Variants in PRKCZ observed in about 807,000 individuals in gnomAD.
PRKCZ encodes protein kinase C zeta, also known as protein kinase C zeta type.
PRKCZ carries 33 observed loss-of-function variants against 79.5 expected under a neutral mutation model. The ratio of observed to expected loss-of-function variants is 0.41; its 90% CI spans 0.31 to 0.55. PRKCZ has a LOEUF of 0.55. Ranked by LOEUF, PRKCZ falls within the 20% of genes least tolerant of loss-of-function variation. The pLI is 0.19. For synonymous variants in PRKCZ, 342 were observed against 320.9 expected (o/e 1.07, Z -0.70); for missense variants, 578 against 813.5 (o/e 0.71, Z 3.52).
chr1:2,112,771 C>T lies in PRKCZ; in HGVS notation c.335-22491C>T, dbSNP rs549611901. 2.0e-5 allele frequency among the ~76,000 whole-genome samples: 3 copies of T among 151,666 alleles called. No homozygotes were observed. The East Asian group carries it at 5.9e-4, about 30-fold the overall frequency. On this transcript the variant is annotated intron_variant, in intron 4 of 17. Transcript: ENST00000378567. Reference sequence around the variant, plus strand: ...GTGGCGTGATCTCGGCTCACTGTAACCTCCACCTCCTGGGTTCAAGGGATT... The same window carrying T: ...GTGGCGTGATCTCGGCTCACTGTAATCTCCACCTCCTGGGTTCAAGGGATT...
chr1:2,104,535 G>A (rs752899912), intron 4 of PRKCZ, among the ~76,000 whole-genome samples: 2 of 152,110 alleles, frequency 1.3e-5, no homozygotes, highest in Non-Finnish European at 2.9e-5. Context: ...GGCATCCAGT[G>A]GCGCGAATGG....
intron 4 of PRKCZ, among the ~76,000 whole-genome samples, chr1:2,087,401 A>G (rs1664709541): frequency 6.6e-6 from 1 of 151,812 alleles, no homozygotes; most frequent in Non-Finnish European, 1.5e-5. Flanking sequence ...TGTTTATTTT[A>G]CTTACCTTTG....
chr1:2,150,891 C>T lies in PRKCZ; in HGVS notation c.789C>T (p.Tyr263=), dbSNP rs144454259. 1.4e-4 allele frequency: 218 copies of T among 1,614,168 alleles called. No homozygotes were observed. The highest frequency in any genetic ancestry group is 1.9e-4 in the African/African-American group (14 of 75,070). The part of the protein sequence containing the change: ...DLIRVIGRGS[Y]AKVLLVRLKK... ...TCAGAGTCATCGGGCGCGGGAGCTA[C>T]GCCAAGGTTCTCCTGGTGCGGTTGA... is the stretch of plus-strand genomic sequence containing the variant. Residue 263 remains tyrosine (Y), a synonymous_variant, in exon 9 of 18, where the codon TAC becomes TAT. Coordinates refer to ENST00000378567, the MANE Select transcript of PRKCZ (RefSeq NM_002744.6).
intron 7 of PRKCZ, 87 bp downstream of exon 7, chr1:2,146,195 A>C: frequency 8.4e-6 from 11 of 1,312,136 alleles, no homozygotes; most frequent in Non-Finnish European, 1.2e-5. Context: ...GTCCTTTCTC[A>C]GTCCCATCTG....
chr1:2,172,373 C>A lies in PRKCZ; in HGVS notation c.1270C>A (p.Arg424=), dbSNP rs1684603019. ...GAATTACATCGCCCCCGAAATCCTG[C>A]GGGGAGAGGAGTACGGTGAGTGCCG... The part of the protein sequence containing the change: ...TPNYIAPEIL[R]GEEYGFSVDW... The change falls in exon 13 of 18, where the codon CGG becomes AGG. Residue 424 remains arginine, a synonymous_variant. Coordinates refer to ENST00000378567, the MANE Select transcript of PRKCZ (RefSeq NM_002744.6). This position sits in a 1 kb window ranked among gnomAD's most constrained non-coding sequence, Gnocchi z 7.8. 1 of 1,612,888 alleles carries A rather than the reference C, an allele frequency of 6.2e-7. No homozygotes were observed. The highest frequency in any genetic ancestry group is 1.3e-5 in the African/African-American group (1 of 74,904).
intron 4 of PRKCZ, among the ~76,000 whole-genome samples, chr1:2,101,570 G>GCGTT: frequency 6.6e-6 from 1 of 152,342 alleles, no homozygotes; most frequent in South Asian, 2.1e-4. Context: ...CAGCCAGTCT[G>GCGTT]CGTTCGGCCT....
At chr1:2,084,762 C>G (rs1025859507) in intron 4 of PRKCZ, among the ~76,000 whole-genome samples, 2 of 152,142 alleles carry the variant, frequency 1.3e-5, no homozygotes, top group African/African-American at 4.8e-5. Context: ...CCCAGCACTT[C>G]GGGAGGCCTA....
intron 4 of PRKCZ, among the ~76,000 whole-genome samples, chr1:2,061,653 A>T: frequency 6.6e-6 from 1 of 152,136 alleles, no homozygotes; most frequent in Middle Eastern, 3.4e-3. Context: ...AGGAGGTCAG[A>T]GGCGGGTGCT....
At chr1:2,124,206 C>T (rs75968080) in intron 4 of PRKCZ, among the ~76,000 whole-genome samples, 3 of 5,810 alleles carry the variant, frequency 5.2e-4, no homozygotes, top group African/African-American at 4.3e-3. Flanking sequence ...GTTAGGGTCA[C>T]GGCTGTAGTT....
chr1:2,140,629 C>T (rs1317204754), intron 5 of PRKCZ, among the ~76,000 whole-genome samples: 1 of 151,324 alleles, frequency 6.6e-6, no homozygotes, highest in African/African-American at 2.4e-5. Context: ...TGTACTCCAG[C>T]TTGGGTGACA....
Position 2,172,534 on chromosome 1 carries a change from G to T in PRKCZ, c.1285+146G>T, listed in dbSNP as rs1684632007. 2.1e-6 allele frequency: 2 copies of T among 972,780 alleles called. No homozygotes were observed. The highest frequency in any genetic ancestry group is 2.9e-5 in the Admixed American group (1 of 34,434). The allele number at this position is 972,780 out of a possible 1,614,324, so 60.3% of individuals were successfully genotyped here. On this transcript the variant is annotated intron_variant, in intron 13 of 17. Coordinates refer to ENST00000378567, the MANE Select transcript of PRKCZ (RefSeq NM_002744.6). This position sits in a 1 kb window ranked among gnomAD's most constrained non-coding sequence, Gnocchi z 7.8. Reference sequence around the variant, plus strand: ...TTTCCCAGCCGGATGTCATCATCTGGCCTCAGCCCCTTATTTGAATTCTGG... The same window carrying T: ...TTTCCCAGCCGGATGTCATCATCTGTCCTCAGCCCCTTATTTGAATTCTGG...
chr1:2,166,501 C>CA (rs1404560153), intron 10 of PRKCZ, among the ~76,000 whole-genome samples: 1 of 152,200 alleles, frequency 6.6e-6, no homozygotes, highest in Non-Finnish European at 1.5e-5. Flanking sequence ...TCTCCCCTTG[C>CA]AAACATGAGA....
At chr1:2,103,313 C>T (rs1338043448) in intron 4 of PRKCZ, among the ~76,000 whole-genome samples, 2 of 152,180 alleles carry the variant, frequency 1.3e-5, no homozygotes, top group Non-Finnish European at 2.9e-5. Context: ...AAGGCTTCCC[C>T]GGGAGAGCGG....
chr1:2,107,514 C>T (rs1668795009), intron 4 of PRKCZ, among the ~76,000 whole-genome samples: 1 of 152,218 alleles, frequency 6.6e-6, no homozygotes, highest in Non-Finnish European at 1.5e-5. Context: ...GTGCAGATAC[C>T]TCCCATTTTA....
Position 2,056,510 on chromosome 1 carries a change from A to T in PRKCZ, c.220A>T (p.Met74Leu). ...EGDPCTVSSQ[M>L]ELEEAFRLAR... ...TGACCCTTGCACGGTGTCCTCCCAGATGGAGCTGGAAGAGGCTTTCCGCCT... is the reference window on the plus strand; with the variant it reads ...TGACCCTTGCACGGTGTCCTCCCAGTTGGAGCTGGAAGAGGCTTTCCGCCT... Residue 74 changes from methionine (M) to leucine (L), a missense_variant, in exon 3 of 18, where the codon ATG becomes TTG. Physicochemically the swap from Met to Leu is conservative, Grantham distance 15. Around this residue, in one of 4 missense-constraint regions of PRKCZ, gnomAD observed 228 missense variants for 211.6 expected, o/e 1.08. Coordinates refer to ENST00000378567, the MANE Select transcript of PRKCZ (RefSeq NM_002744.6). 1.2e-6 allele frequency: 2 copies of T among 1,613,914 alleles called. No homozygotes were observed. Among genetic ancestry groups the T allele is most frequent in the Non-Finnish European group, 1.7e-6 (2 of 1,179,938 alleles).
Position 2,133,366 on chromosome 1 carries a change from C to T in PRKCZ, c.335-1896C>T, listed in dbSNP as rs186160615. On this transcript the variant is annotated intron_variant, in intron 4 of 17. Coordinates refer to ENST00000378567, the MANE Select transcript of PRKCZ (RefSeq NM_002744.6). Reference sequence around the variant, plus strand: ...TTGCTCGTCGGTTCCCTCGGCTCCGCCCCCTCGGCTGTGCGTCTGGCCCTC... The same window carrying T: ...TTGCTCGTCGGTTCCCTCGGCTCCGTCCCCTCGGCTGTGCGTCTGGCCCTC... 5.3e-5 allele frequency among the ~76,000 whole-genome samples: 8 copies of T among 151,398 alleles called. No individual in the cohort carries two copies. In the East Asian group the frequency reaches 1.4e-3, roughly 26 times the overall value.
intron 4 of PRKCZ, among the ~76,000 whole-genome samples, chr1:2,107,212 C>A (rs1668723747): frequency 6.6e-6 from 1 of 152,262 alleles, no homozygotes; most frequent in African/African-American, 2.4e-5. Flanking sequence ...GTGCTGCCTG[C>A]ACCAACAGCC....
chr1:2,051,564 C>T (rs1489758566), intron 1 of PRKCZ, among the ~76,000 whole-genome samples: 1 of 152,242 alleles, frequency 6.6e-6, no homozygotes, highest in Non-Finnish European at 1.5e-5. Context: ...ATGCGGGCTC[C>T]GGACTTGCAC....
intron 4 of PRKCZ, among the ~76,000 whole-genome samples, chr1:2,059,942 C>T (rs925347194): frequency 1.6e-4 from 24 of 152,224 alleles, no homozygotes; most frequent in African/African-American, 5.8e-4. Context: ...GTCTGCTCCT[C>T]CTGGTCCCTG....
Sources: allele counts gnomAD v4.1 joint callset (sites outside exome capture counted in the v4.1 genomes callset), GRCh38; gene constraint gnomAD v4.1.1; regional missense constraint gnomAD v4.1.1; non-coding constraint Gnocchi (gnomAD v3.1); transcripts MANE v1.5; gene names NCBI Gene and HGNC (gene_info 2026-07-23, HGNC 2026-07-21).